Variants in PTPRG observed in about 807,000 individuals in gnomAD.
PTPRG encodes protein tyrosine phosphatase receptor type G.
PTPRG carries 102 observed loss-of-function variants against 165.3 expected under a neutral mutation model. The ratio of observed to expected loss-of-function variants is 0.62; its 90% CI spans 0.53 to 0.73. The LOEUF is 0.73. Among genes scored for constraint, PTPRG ranks in the 30% least tolerant of loss-of-function variants. The pLI is 0.00. For synonymous variants in PTPRG, 675 were observed against 669.5 expected (o/e 1.01, Z -0.13); for missense variants, 1,866 against 1,861.4 (o/e 1.00, Z -0.05).
At chr3:61,574,464 T>A (rs115337728) in intron 1 of PTPRG, among the ~76,000 whole-genome samples, 10 of 152,296 alleles carry the variant, frequency 6.6e-5, no homozygotes, top group African/African-American at 2.2e-4. Context: ...CCACCAGTTG[T>A]TTTCTCTTCT....
intron 28 of PTPRG, among the ~76,000 whole-genome samples, chr3:62,288,673 A>C (rs914450398): frequency 1.6e-5 from 2 of 126,098 alleles, no homozygotes; most frequent in African/African-American, 2.9e-5. Context: ...ACTCCGTCAC[A>C]AAAAAAAAAA....
At chr3:61,926,631 C>CCTTA (rs2039220323) in intron 2 of PTPRG, among the ~76,000 whole-genome samples, 1 of 126,590 alleles carries the variant, frequency 7.9e-6, no homozygotes, top group Non-Finnish European at 1.6e-5. Flanking sequence ...TTCCTTCCTT[C>CCTTA]CTTCCACTAA....
chr3:62,161,614 C>T (rs1035378858), intron 7 of PTPRG, among the ~76,000 whole-genome samples: 1 of 152,128 alleles, frequency 6.6e-6, no homozygotes, highest in African/African-American at 2.4e-5. Flanking sequence ...CCATATTAAT[C>T]CAAGAGAGAT....
At chr3:61,586,255 TAA>T (rs879422992) in intron 1 of PTPRG, among the ~76,000 whole-genome samples, 7 of 138,626 alleles carry the variant, frequency 5.0e-5, no homozygotes, top group African/African-American at 1.6e-4. Flanking sequence ...CAGTGGGAAA[TAA>T]AAAAAAAAAA....
At chr3:62,021,262 C>T (rs993942451) in intron 4 of PTPRG, among the ~76,000 whole-genome samples, 5 of 152,142 alleles carry the variant, frequency 3.3e-5, no homozygotes, top group Non-Finnish European at 7.4e-5. Context: ...TCGGCTCTTT[C>T]TGTTGGTCTG....
At chr3:62,187,837 C>A (rs778270721) in intron 8 of PTPRG, among the ~76,000 whole-genome samples, 1 of 152,200 alleles carries the variant, frequency 6.6e-6, no homozygotes, top group East Asian at 1.9e-4. Flanking sequence ...TGGCCTCATG[C>A]TCCTCCTCTC....
chr3:61,578,487 C>G (rs935179023), intron 1 of PTPRG, among the ~76,000 whole-genome samples: 3 of 152,140 alleles, frequency 2.0e-5, no homozygotes, highest in Non-Finnish European at 2.9e-5. Flanking sequence ...GGGTGGTGGT[C>G]TCTGCATCTG....
At chr3:61,600,095 G>C (rs993395950) in intron 1 of PTPRG, among the ~76,000 whole-genome samples, 2 of 151,376 alleles carry the variant, frequency 1.3e-5, no homozygotes, top group South Asian at 4.2e-4. Flanking sequence ...AGGAGGCAGA[G>C]GTTGCAGTGA....
chr3:62,107,567 T>C (rs1460169856), intron 5 of PTPRG, among the ~76,000 whole-genome samples: 1 of 152,216 alleles, frequency 6.6e-6, no homozygotes, highest in African/African-American at 2.4e-5. Flanking sequence ...TTTTTTTCCA[T>C]GTGAATTGAA....
intron 1 of PTPRG, among the ~76,000 whole-genome samples, chr3:61,669,039 C>G (rs960432768): frequency 6.6e-6 from 1 of 152,098 alleles, no homozygotes; most frequent in African/African-American, 2.4e-5. Context: ...AGTTTTGTCC[C>G]CTGGTAAAAC....
At chr3:62,260,115 C>T (rs1701649496) in intron 16 of PTPRG, among the ~76,000 whole-genome samples, 1 of 152,178 alleles carries the variant, frequency 6.6e-6, no homozygotes, top group African/African-American at 2.4e-5. Context: ...GTGTCCGACA[C>T]TGTACATGCA....
chr3:62,014,339 A>T (rs1323840766), intron 4 of PTPRG, among the ~76,000 whole-genome samples: 1 of 152,128 alleles, frequency 6.6e-6, no homozygotes, highest in African/African-American at 2.4e-5. Context: ...ACTGTGATGG[A>T]TGGAGACCAG....
intron 2 of PTPRG, among the ~76,000 whole-genome samples, chr3:61,845,935 T>G (rs2107347734): frequency 6.6e-6 from 1 of 152,276 alleles, no homozygotes; most frequent in East Asian, 1.9e-4. Flanking sequence ...TGAAATGAAC[T>G]GTCAAGGTTT....
At chr3:61,941,420 C>G (rs1479536251) in intron 2 of PTPRG, among the ~76,000 whole-genome samples, 3 of 152,044 alleles carry the variant, frequency 2.0e-5, no homozygotes, top group Non-Finnish European at 4.4e-5. Context: ...GTTAGGAGAT[C>G]GAGACCGTCC....
At chr3:61,791,734 C>T (rs1182333728) in intron 2 of PTPRG, among the ~76,000 whole-genome samples, 13 of 152,206 alleles carry the variant, frequency 8.5e-5, no homozygotes, top group Non-Finnish European at 1.9e-4. Flanking sequence ...GTGATCCGCC[C>T]ATCTCGGCTT....
At chr3:61,980,983 G>C (rs560968050) in intron 2 of PTPRG, among the ~76,000 whole-genome samples, 3 of 152,248 alleles carry the variant, frequency 2.0e-5, no homozygotes, top group African/African-American at 7.2e-5. Flanking sequence ...GTATTAGTCC[G>C]TTCTCATGCT....
At chr3:62,087,814 G>T (rs1425615543) in intron 5 of PTPRG, among the ~76,000 whole-genome samples, 1 of 152,138 alleles carries the variant, frequency 6.6e-6, no homozygotes. Flanking sequence ...AGGCCTCTCA[G>T]TTTTGCTGAT....
chr3:61,767,187 T>G (rs2034048591), intron 2 of PTPRG, among the ~76,000 whole-genome samples: 1 of 138,504 alleles, frequency 7.2e-6, no homozygotes, highest in South Asian at 2.3e-4. Flanking sequence ...GAGGTTGCAG[T>G]GAGCCGAGAT....
intron 2 of PTPRG, among the ~76,000 whole-genome samples, chr3:61,900,956 A>G (rs1271134575): frequency 1.3e-5 from 2 of 152,304 alleles, no homozygotes; most frequent in Admixed American, 6.5e-5. Flanking sequence ...CAATAATCTC[A>G]TAACAATGCT....
Sources: allele counts gnomAD v4.1 joint callset (sites outside exome capture counted in the v4.1 genomes callset), GRCh38; gene constraint gnomAD v4.1.1; transcripts MANE v1.5; gene names NCBI Gene and HGNC (gene_info 2026-07-23, HGNC 2026-07-21).